Variants in KDM4E observed in about 807,000 individuals in gnomAD.
The protein encoded by KDM4E is lysine-specific demethylase 4E.
For synonymous variants in KDM4E, 229 were observed against 232.9 expected (o/e 0.98, Z 0.15); for missense variants, 576 against 642.6 (o/e 0.90, Z 1.12).
Position 95,026,439 on chromosome 11 carries a change from T to C in KDM4E, c.882T>C (p.Thr294=), listed in dbSNP as rs1555102845. The change falls in exon 1 of 1, where the codon ACT becomes ACC. Residue 294 remains threonine (T), a synonymous_variant. Coordinates refer to ENST00000450979, the MANE Select transcript of KDM4E (RefSeq NM_001161630.1). ...FNCAEAINFA[T]PRWIDYGKMA... ...GCGCAGAAGCCATTAATTTTGCCACTCCACGATGGATTGATTATGGCAAAA... is the reference window on the plus strand; with the variant it reads ...GCGCAGAAGCCATTAATTTTGCCACCCCACGATGGATTGATTATGGCAAAA... 1.2e-6 allele frequency: 2 copies of C among 1,611,752 alleles called. No individual in the cohort carries two copies. The highest frequency in any genetic ancestry group is 1.7e-6 in the Non-Finnish European group (2 of 1,179,986).
At position 95,026,707 on chromosome 11, in the gene KDM4E, C is replaced by G; in HGVS notation, c.1150C>G (p.Gln384Glu). 2 of 1,537,272 alleles carry G rather than the reference C, an allele frequency of 1.3e-6. No homozygotes were observed. The highest frequency in any genetic ancestry group is 1.7e-6 in the Non-Finnish European group (2 of 1,146,922). The change falls in exon 1 of 1, where the codon CAG (glutamine) becomes GAG (glutamate). Residue 384 changes from glutamine (Q) to glutamate (E), a missense_variant. Physicochemically the swap from Gln to Glu is conservative, Grantham distance 29. Transcript: ENST00000450979. Reference protein sequence around the residue: ...LPNLTAQCPTQPVSSGHCYNP... With the variant: ...LPNLTAQCPTEPVSSGHCYNP... ...AAACCTCACAGCCCAGTGTCCCACACAGCCTGTGTCCTCAGGGCACTGTTA... is the reference window on the plus strand; with the variant it reads ...AAACCTCACAGCCCAGTGTCCCACAGAGCCTGTGTCCTCAGGGCACTGTTA...
chr11:95,027,309 A>G lies in KDM4E; in HGVS notation c.*231A>G, dbSNP rs892330304. 3.4e-6 allele frequency: 2 copies of G among 590,142 alleles called. No homozygotes were observed. The highest frequency in any genetic ancestry group is 1.9e-5 in the African/African-American group (1 of 53,984). The allele number at this position is 590,142 out of a possible 1,614,324, so 36.6% of individuals were successfully genotyped here. A position where few individuals can be genotyped will look rare whatever the true frequency, so the allele number is the denominator to read the frequency against. On this transcript the variant is annotated 3_prime_UTR_variant, in exon 1 of 1. Transcript: ENST00000450979. Reference sequence around the variant, plus strand: ...CACTGGTGGGGACTGGAACTGATTAAGTTCACCAGGGACACTTGCCTGGTG... The same window carrying G: ...CACTGGTGGGGACTGGAACTGATTAGGTTCACCAGGGACACTTGCCTGGTG...
chr11:95,026,056 G>T lies in KDM4E; in HGVS notation c.499G>T (p.Val167Phe). The stretch of plus-strand genomic sequence containing the variant: ...GGACCTGTTGGAGCAGGAATGTGGG[G>T]TTGTCATCGAGGGTGTCAACACACC... ...ILDLLEQECG[V>F]VIEGVNTPYL... The change falls in exon 1 of 1, where the codon GTT (valine) becomes TTT (phenylalanine). Residue 167 changes from valine to phenylalanine, a missense_variant. Transcript: ENST00000450979. 13 of 1,613,434 alleles carry T rather than the reference G, an allele frequency of 8.1e-6. No individual in the cohort carries two copies. Among genetic ancestry groups the T allele is most frequent in the Non-Finnish European group, 1.1e-5 (13 of 1,179,596 alleles).
rs1045700419 is a variant in KDM4E, at chr11:95,026,285, T to C, written c.728T>C (p.Val243Ala). ...RGCEAFLRHK[V>A]ALISPTVLKE... Reference sequence around the variant, plus strand: ...TGTGAGGCCTTCCTGCGGCACAAAGTGGCCCTCATCTCGCCTACAGTTCTC... The same window carrying C: ...TGTGAGGCCTTCCTGCGGCACAAAGCGGCCCTCATCTCGCCTACAGTTCTC... The change falls in exon 1 of 1, where the codon GTG becomes GCG. Residue 243 changes from valine to alanine, a missense_variant. Coordinates refer to ENST00000450979, the MANE Select transcript of KDM4E (RefSeq NM_001161630.1). 2 of 1,614,078 alleles carry C rather than the reference T, an allele frequency of 1.2e-6. No homozygotes were observed. The highest frequency in any genetic ancestry group is 8.5e-7 in the Non-Finnish European group (1 of 1,180,012).
In KDM4E at chr11:95,025,901, T is replaced by C. The variant is rs782300238; in HGVS notation, c.344T>C (p.Phe115Ser). 1.3e-6 allele frequency: 2 copies of C among 1,584,548 alleles called. No individual in the cohort carries two copies. The highest frequency in any genetic ancestry group is 2.3e-5 in the South Asian group (2 of 88,794). Residue 115 changes from phenylalanine to serine, a missense_variant, in exon 1 of 1, where the codon TTT (phenylalanine) becomes TCT (serine). Physicochemically the swap from Phe to Ser is radical, Grantham distance 155 (BLOSUM62 -2). Transcript: ENST00000450979. ...TATCAGACTCCGCCACACCAGAATT[T>C]TGCAGATTTGGAGCAACGATACTGG... is the stretch of plus-strand genomic sequence containing the variant. The part of the protein sequence containing the change: ...KKYQTPPHQN[F>S]ADLEQRYWKS...
Position 95,025,971 on chromosome 11 carries a change from C to A in KDM4E, c.414C>A (p.Ser138Arg). 6.3e-7 allele frequency: 1 copy of A among 1,586,482 alleles called. No individual in the cohort carries two copies. The highest frequency in any genetic ancestry group is 8.6e-7 in the Non-Finnish European group (1 of 1,169,008). ...GNPPIYGADI[S>R]GSLFEESTKQ... is the part of the protein sequence containing the mutation. ...CACCAATTTATGGTGCTGATATCAG[C>A]GGCTCCTTATTTGAAGAAAGCACTA... Residue 138 changes from serine (S) to arginine (R), a missense_variant, in exon 1 of 1, where the codon AGC (serine) becomes AGA (arginine). Physicochemically the swap from Ser to Arg is moderately radical, Grantham distance 110 (BLOSUM62 -1). Transcript: ENST00000450979.
rs1555103064 is a variant in KDM4E, at chr11:95,026,992, CTT to C, written c.1438_1439del (p.Leu480AsnfsTer6). Reference protein sequence around the residue: ...PTVQPASKRRLLMGTRSRAQG... With the variant: ...PTVQPASKRRXLMGTRSRAQG... ...TGTTCAGCCTGCATCCAAGAGGCGC[CTT>C]TTAATGGGTACAAGGAGTAGAGCTC... On this transcript the variant is annotated frameshift_variant, in exon 1 of 1. Coordinates refer to ENST00000450979, the MANE Select transcript of KDM4E (RefSeq NM_001161630.1). LOFTEE classifies it low-confidence loss of function (END_TRUNC). 6.5e-7 allele frequency: 1 copy of C among 1,537,228 alleles called. No individual in the cohort carries two copies. The highest frequency in any genetic ancestry group is 2.4e-5 in the East Asian group (1 of 40,902).
Position 95,026,156 on chromosome 11 carries a change from A to C in KDM4E, c.599A>C (p.Tyr200Ser), listed in dbSNP as rs782404753. 1.2e-6 allele frequency: 2 copies of C among 1,614,158 alleles called. No homozygotes were observed. The highest frequency in any genetic ancestry group is 2.2e-5 in the South Asian group (2 of 91,078). ...GACATGGACCTTTACAGCATCAACTACCTGCACTTTGGGGAGCCCAAAACT... is the reference window on the plus strand; with the variant it reads ...GACATGGACCTTTACAGCATCAACTCCCTGCACTTTGGGGAGCCCAAAACT... The part of the protein sequence containing the change: ...TEDMDLYSIN[Y>S]LHFGEPKTWY... The change falls in exon 1 of 1, where the codon TAC (tyrosine) becomes TCC (serine). Residue 200 changes from tyrosine to serine, a missense_variant. Transcript: ENST00000450979.
At position 95,027,238 on chromosome 11, in the gene KDM4E, T is replaced by A. The variant is rs1353652829; in HGVS notation, c.*160T>A. On this transcript the variant is annotated 3_prime_UTR_variant, in exon 1 of 1. Coordinates refer to ENST00000450979, the MANE Select transcript of KDM4E (RefSeq NM_001161630.1). The stretch of plus-strand genomic sequence containing the variant: ...AGTAATCTCCCTGATGTTGTCTGCA[T>A]GACTCCTCCCAATGTCATTGTGCCT... 2.0e-6 allele frequency: 2 copies of A among 990,714 alleles called. No homozygotes were observed. The highest frequency in any genetic ancestry group is 1.6e-5 in the African/African-American group (1 of 61,130). The allele number at this position is 990,714 out of a possible 1,614,324, so 61.4% of individuals were successfully genotyped here.
rs1389373478 is a variant in KDM4E at position 95,025,401 on chromosome 11, T to C, written c.-157T>C. ...GGGGAGTCAGAAAGCCTGTGAAAGA[T>C]CTCACTTGTTCAAAAGTCCAAGTGT... On this transcript the variant is annotated 5_prime_UTR_variant, in exon 1 of 1. Transcript: ENST00000450979. 21 of 1,092,174 alleles carry C rather than the reference T, an allele frequency of 1.9e-5. No homozygotes were observed. The highest frequency in any genetic ancestry group is 3.1e-4 in the Middle Eastern group (1 of 3,260). The allele number at this position is 1,092,174 out of a possible 1,614,324, so 67.7% of individuals were successfully genotyped here. A position where few individuals can be genotyped will look rare whatever the true frequency, so the allele number is the denominator to read the frequency against.
rs1483631416 is a variant in KDM4E, at chr11:95,026,613, C to G, written c.1056C>G (p.Ser352Arg). 8 of 1,537,218 alleles carry G rather than the reference C, an allele frequency of 5.2e-6. No individual in the cohort carries two copies. Among genetic ancestry groups the G allele is most frequent in the Non-Finnish European group, 7.0e-6 (8 of 1,146,968 alleles). Residue 352 changes from serine (S) to arginine (R), a missense_variant, in exon 1 of 1, where the codon AGC (serine) becomes AGG (arginine). Ser to Arg is a moderately radical substitution (Grantham distance 110). Transcript: ENST00000450979. Reference protein sequence around the residue: ...VEHTEPRVAESQELSNWRDDI... With the variant: ...VEHTEPRVAERQELSNWRDDI... Reference sequence around the variant, plus strand: ...ACACAGAGCCCAGGGTTGCAGAAAGCCAAGAGCTGAGCAACTGGAGAGATG... The same window carrying G: ...ACACAGAGCCCAGGGTTGCAGAAAGGCAAGAGCTGAGCAACTGGAGAGATG...
Position 95,026,436 on chromosome 11 carries a change from C to A in KDM4E, c.879C>A (p.Ala293=). The A allele has an allele frequency of 6.2e-7, 1 of 1,612,098 alleles. No individual in the cohort carries two copies. Residue 293 remains alanine, a synonymous_variant, in exon 1 of 1, where the codon GCC becomes GCA. Coordinates refer to ENST00000450979, the MANE Select transcript of KDM4E (RefSeq NM_001161630.1). ...GFNCAEAINF[A]TPRWIDYGKM... is the part of the protein sequence containing the mutation. The stretch of plus-strand genomic sequence containing the variant: ...ACTGCGCAGAAGCCATTAATTTTGC[C>A]ACTCCACGATGGATTGATTATGGCA...
chr11:95,027,126 C>G lies in KDM4E; in HGVS notation c.*48C>G, dbSNP rs1209651768. On this transcript the variant is annotated 3_prime_UTR_variant, in exon 1 of 1. Coordinates refer to ENST00000450979, the MANE Select transcript of KDM4E (RefSeq NM_001161630.1). ...CAAGGCTTCTGGCTGCTGCTGTGTC[C>G]CTGATCTTCAACTCCTGGGGCCCCC... 6.6e-7 allele frequency: 1 copy of G among 1,518,190 alleles called. No homozygotes were observed. The highest frequency in any genetic ancestry group is 8.8e-7 in the Non-Finnish European group (1 of 1,137,366). 94.0% of individuals were successfully genotyped at this position (1,518,190 alleles called of 1,614,324 possible).
chr11:95,027,424 C>A lies in KDM4E; in HGVS notation c.*346C>A, dbSNP rs1858285380. 1 of 297,872 alleles carries A rather than the reference C, an allele frequency of 3.4e-6. No homozygotes were observed. Among genetic ancestry groups the A allele is most frequent in the East Asian group, 6.6e-5 (1 of 15,166 alleles). The allele number at this position is 297,872 out of a possible 1,614,324, so 18.5% of individuals were successfully genotyped here. ...TTTCCAGAATCTCCTGGGCTCCTGA[C>A]TCATCTGCTGGGTCTAAAGACACTG... On this transcript the variant is annotated 3_prime_UTR_variant, in exon 1 of 1. Transcript: ENST00000450979.
In KDM4E at chr11:95,026,299, C is replaced by A; in HGVS notation, c.742C>A (p.Pro248Thr). The part of the protein sequence containing the change: ...FLRHKVALIS[P>T]TVLKENGIPF... ...GCGGCACAAAGTGGCCCTCATCTCG[C>A]CTACAGTTCTCAAGGAAAATGGGAT... The change falls in exon 1 of 1, where the codon CCT becomes ACT. Residue 248 changes from proline (P) to threonine (T), a missense_variant. Pro to Thr is a conservative substitution (Grantham distance 38). Coordinates refer to ENST00000450979, the MANE Select transcript of KDM4E (RefSeq NM_001161630.1). 6.2e-7 allele frequency: 1 copy of A among 1,614,044 alleles called. No individual in the cohort carries two copies. Among genetic ancestry groups the A allele is most frequent in the African/African-American group, 1.3e-5 (1 of 75,024 alleles).
Position 95,027,170 on chromosome 11 carries a change from C to G in KDM4E, c.*92C>G, listed in dbSNP as rs1312550460. On this transcript the variant is annotated 3_prime_UTR_variant, in exon 1 of 1. Coordinates refer to ENST00000450979, the MANE Select transcript of KDM4E (RefSeq NM_001161630.1). ...GGCCCCCACTGGATCGTGATGAAAC[C>G]ATGCACCCTGGCCTGTGCCTGCTAT... is the stretch of plus-strand genomic sequence containing the variant. 64 of 1,467,550 alleles carry G rather than the reference C, an allele frequency of 4.4e-5. No individual in the cohort carries two copies. Among genetic ancestry groups the G allele is most frequent in the Non-Finnish European group, 5.6e-5 (62 of 1,111,680 alleles). 90.9% of individuals were successfully genotyped at this position (1,467,550 alleles called of 1,614,324 possible). A position where few individuals can be genotyped will look rare whatever the true frequency, so the allele number is the denominator to read the frequency against.
chr11:95,025,772 T>A lies in KDM4E; in HGVS notation c.215T>A (p.Leu72His). 1 of 1,589,556 alleles carries A rather than the reference T, an allele frequency of 6.3e-7. No homozygotes were observed. The highest frequency in any genetic ancestry group is 8.5e-7 in the Non-Finnish European group (1 of 1,173,220). The change falls in exon 1 of 1, where the codon CTC (leucine) becomes CAC (histidine). Residue 72 changes from leucine (L) to histidine (H), a missense_variant. Coordinates refer to ENST00000450979, the MANE Select transcript of KDM4E (RefSeq NM_001161630.1). ...DIEDILIATPLQQVTSGQGGV... is the reference protein window; with the variant it reads ...DIEDILIATPHQQVTSGQGGV... Reference sequence around the variant, plus strand: ...GAAGACATCTTAATAGCCACTCCCCTCCAGCAGGTGACCTCTGGGCAGGGA... The same window carrying A: ...GAAGACATCTTAATAGCCACTCCCCACCAGCAGGTGACCTCTGGGCAGGGA...
chr11:95,026,304 A>G lies in KDM4E; in HGVS notation c.747A>G (p.Thr249=), dbSNP rs782631439. ...ACAAAGTGGCCCTCATCTCGCCTACAGTTCTCAAGGAAAATGGGATTCCCT... is the reference window on the plus strand; with the variant it reads ...ACAAAGTGGCCCTCATCTCGCCTACGGTTCTCAAGGAAAATGGGATTCCCT... ...LRHKVALISP[T]VLKENGIPFN... is the part of the protein sequence containing the mutation. The change falls in exon 1 of 1, where the codon ACA becomes ACG. Residue 249 remains threonine, a synonymous_variant. Coordinates refer to ENST00000450979, the MANE Select transcript of KDM4E (RefSeq NM_001161630.1). The G allele has an allele frequency of 1.2e-6, 2 of 1,613,922 alleles. No individual in the cohort carries two copies. The highest frequency in any genetic ancestry group is 1.7e-6 in the Non-Finnish European group (2 of 1,180,018).
At position 95,026,731 on chromosome 11, in the gene KDM4E, T is replaced by C; in HGVS notation, c.1174T>C (p.Tyr392His). 6.5e-7 allele frequency: 1 copy of C among 1,537,282 alleles called. No individual in the cohort carries two copies. Among genetic ancestry groups the C allele is most frequent in the Non-Finnish European group, 8.7e-7 (1 of 1,146,908 alleles). Residue 392 changes from tyrosine (Y) to histidine (H), a missense_variant, in exon 1 of 1, where the codon TAC becomes CAC. Physicochemically the swap from Tyr to His is moderately conservative, Grantham distance 83. Transcript: ENST00000450979. ...PTQPVSSGHC[Y>H]NPKGCGTDAV... The stretch of plus-strand genomic sequence containing the variant: ...ACAGCCTGTGTCCTCAGGGCACTGT[T>C]ACAACCCAAAAGGCTGTGGCACTGA...
Sources: allele counts gnomAD v4.1 joint callset, GRCh38; gene constraint gnomAD v4.1.1; transcripts MANE v1.5; gene names NCBI Gene and HGNC (gene_info 2026-07-23, HGNC 2026-07-21).